Variants in SLC35F1 observed in about 807,000 individuals in gnomAD.
SLC35F1 encodes the protein solute carrier family 35 member F1.
In SLC35F1, 14 loss-of-function variants were observed where a neutral mutation model predicts 48.7. The ratio of observed to expected loss-of-function variants is 0.29; its 90% CI spans 0.19 to 0.45. The LOEUF is 0.45. Ranked by LOEUF, SLC35F1 falls within the 20% of genes least tolerant of loss-of-function variation. SLC35F1 has a pLI of 1.00. For synonymous variants in SLC35F1, 190 were observed against 202.2 expected (o/e 0.94, Z 0.51); for missense variants, 404 against 500.0 (o/e 0.81, Z 1.83).
rs535229253 is a variant in SLC35F1, at chr6:118,163,985, G to GT, written c.349+9373dup. Reference sequence around the variant, plus strand: ...CAGGAAAGAAAAAATGAAGCAAACAGTTTTTTTTGTTTAAGACTTAGAACT... The same window carrying GT: ...CAGGAAAGAAAAAATGAAGCAAACAGTTTTTTTTTGTTTAAGACTTAGAACT... On this transcript the variant is annotated intron_variant, in intron 2 of 7. Transcript: ENST00000360388. 2.5e-3 allele frequency among the ~76,000 whole-genome samples: 374 copies of GT among 152,184 alleles called. 1 individual carries two copies. In the Middle Eastern group the frequency reaches 0.027, roughly 11 times the overall value.
chr6:118,034,662 C>A (rs1772102043), intron 1 of SLC35F1, among the ~76,000 whole-genome samples: 1 of 152,102 alleles, frequency 6.6e-6, no homozygotes, highest in Non-Finnish European at 1.5e-5. Context: ...TGCTATAGAA[C>A]AAAATCATTA....
intron 1 of SLC35F1, among the ~76,000 whole-genome samples, chr6:118,100,503 T>C (rs1773241382): frequency 6.6e-6 from 1 of 152,176 alleles, no homozygotes. Context: ...AGGAAAGTGC[T>C]ATTCTTGATT....
intron 1 of SLC35F1, among the ~76,000 whole-genome samples, chr6:118,146,405 C>T (rs1233411991): frequency 2.0e-5 from 3 of 152,192 alleles, no homozygotes; most frequent in African/African-American, 7.2e-5. Context: ...TGATTTCTCA[C>T]TGACCAGCCA....
At chr6:118,115,912 T>G (rs914225477) in intron 1 of SLC35F1, among the ~76,000 whole-genome samples, 3 of 152,200 alleles carry the variant, frequency 2.0e-5, no homozygotes, top group African/African-American at 7.2e-5. Context: ...TAATATAGTT[T>G]GCCTGAAAAG....
chr6:118,172,289 A>G (rs1774417743), intron 2 of SLC35F1, among the ~76,000 whole-genome samples: 1 of 152,174 alleles, frequency 6.6e-6, no homozygotes, highest in African/African-American at 2.4e-5. Flanking sequence ...AGAGTGGATT[A>G]GAGACATAGA....
intron 1 of SLC35F1, among the ~76,000 whole-genome samples, chr6:117,989,639 T>G (rs968230656): frequency 6.6e-6 from 1 of 152,242 alleles, no homozygotes; most frequent in African/African-American, 2.4e-5. Context: ...AAATTCTAAG[T>G]ACAGTGTTTA....
At chr6:118,177,976 T>C (rs1444755075) in intron 2 of SLC35F1, among the ~76,000 whole-genome samples, 1 of 152,096 alleles carries the variant, frequency 6.6e-6, no homozygotes, top group Non-Finnish European at 1.5e-5. Flanking sequence ...GTGGTAGTAC[T>C]GAGGTGAGGT....
intron 2 of SLC35F1, among the ~76,000 whole-genome samples, chr6:118,204,930 G>A (rs1774915075): frequency 6.6e-6 from 1 of 152,192 alleles, no homozygotes; most frequent in Admixed American, 6.5e-5. Flanking sequence ...AAGGTCCAAA[G>A]AGCAAGCAAT....
intron 1 of SLC35F1, among the ~76,000 whole-genome samples, chr6:117,979,472 G>A (rs1582597404): frequency 2.0e-5 from 3 of 152,322 alleles, no homozygotes; most frequent in Middle Eastern, 6.8e-3. Context: ...TCCAACAGAA[G>A]TAGACTTCAG....
chr6:118,194,104 GAAGAAGATCCAATAGTTGTT>G (rs1377572698), intron 2 of SLC35F1, among the ~76,000 whole-genome samples: 2 of 151,764 alleles, frequency 1.3e-5, no homozygotes, highest in Non-Finnish European at 2.9e-5. Context: ...CAGACAGACA[GAAGAAGATCCAATAGTTGTT>G]AAGATTTTTC....
intron 1 of SLC35F1, among the ~76,000 whole-genome samples, chr6:118,146,274 G>T (rs1275070123): frequency 1.3e-5 from 2 of 152,140 alleles, no homozygotes; most frequent in Non-Finnish European, 2.9e-5. Context: ...ATTATGGCTG[G>T]TGCTTACTTC....
chr6:118,057,578 G>A (rs1293142187), intron 1 of SLC35F1, among the ~76,000 whole-genome samples: 1 of 152,140 alleles, frequency 6.6e-6, no homozygotes, highest in Non-Finnish European at 1.5e-5. Context: ...GATTAATCTG[G>A]CTAAAACGCT....
chr6:118,171,347 C>G (rs186278957), intron 2 of SLC35F1, among the ~76,000 whole-genome samples: 1 of 152,240 alleles, frequency 6.6e-6, no homozygotes, highest in East Asian at 1.9e-4. Flanking sequence ...TTACTTTTTT[C>G]ACTTTAGTTG....
At chr6:118,212,645 G>A (rs962909321) in intron 2 of SLC35F1, among the ~76,000 whole-genome samples, 2 of 150,310 alleles carry the variant, frequency 1.3e-5, no homozygotes, top group African/African-American at 2.5e-5. Context: ...AGGTGACATC[G>A]CTCCATTGCA....
At chr6:118,251,378 T>C (rs1190353087) in intron 3 of SLC35F1, among the ~76,000 whole-genome samples, 1 of 152,190 alleles carries the variant, frequency 6.6e-6, no homozygotes, top group Non-Finnish European at 1.5e-5. Flanking sequence ...CCTTATAAAT[T>C]TTCAAGTGCC....
intron 2 of SLC35F1, among the ~76,000 whole-genome samples, chr6:118,213,841 T>C (rs1044118228): frequency 6.6e-6 from 1 of 152,188 alleles, no homozygotes; most frequent in Admixed American, 6.6e-5. Flanking sequence ...GCAAGGCAAT[T>C]CATAAATTTT....
chr6:118,275,134 G>A (rs1775904725), intron 4 of SLC35F1, among the ~76,000 whole-genome samples: 1 of 152,246 alleles, frequency 6.6e-6, no homozygotes, highest in Non-Finnish European at 1.5e-5. Context: ...CCGAGATCGT[G>A]CCACTTCATA....
chr6:118,072,907 C>T (rs1260066898), intron 1 of SLC35F1, among the ~76,000 whole-genome samples: 1 of 152,134 alleles, frequency 6.6e-6, no homozygotes, highest in East Asian at 1.9e-4. Context: ...TGAACAGCTC[C>T]TGGGCATCCT....
At chr6:118,281,619 T>G (rs1482294328) in intron 6 of SLC35F1, among the ~76,000 whole-genome samples, 2 of 152,206 alleles carry the variant, frequency 1.3e-5, no homozygotes, top group Non-Finnish European at 2.9e-5. Context: ...TCTGTGATTC[T>G]ACCCCTGCTG....
Sources: gnomAD v4.1 joint callset for allele counts (sites outside exome capture counted in the v4.1 genomes callset) on GRCh38, gnomAD v4.1.1 for gene constraint, MANE v1.5 for transcripts, NCBI Gene and HGNC (gene_info 2026-07-23, HGNC 2026-07-21) for gene names.